Variants in MGA observed in about 807,000 individuals in gnomAD.
MGA encodes the protein MAX dimerization protein MGA, also known as MAX gene-associated protein.
In MGA, 40 loss-of-function variants were observed where a neutral mutation model predicts 261.1. That is an observed-to-expected ratio of 0.15 (90% confidence interval 0.12 to 0.20). The LOEUF (loss-of-function observed/expected upper bound fraction) is 0.20, where lower values mean the gene tolerates loss of function less well. Among genes scored for constraint, MGA ranks in the 10% least tolerant of loss-of-function variants. The probability of loss-of-function intolerance (pLI) is 1.00; values close to 1 mark genes in which losing one functional copy is unlikely to be tolerated. For synonymous variants in MGA, 1,302 were observed against 1,290.6 expected, an observed-to-expected ratio of 1.01 and a Z score of -0.19; for missense variants, 3,397 against 3,630.5, an observed-to-expected ratio of 0.94 and a Z score of 1.65.
At chr15:41,647,379 C>G (rs1316929664) in intron 1 of MGA, among the ~76,000 whole-genome samples, 1 of 152,012 alleles carries the variant, frequency 6.6e-6, no homozygotes, top group Non-Finnish European at 1.5e-5. Flanking sequence ...AGCACTAGAC[C>G]CTGATATTCA....
rs1320919811 is a variant in MGA at position 41,668,874 on chromosome 15, A to G, written c.-21A>G. ...ATGTGGTGATTACAGTTGTCTTACT[A>G]CTGAGTTTCCTACTGAAATCATGGA... On this transcript the variant is annotated 5_prime_UTR_variant, in exon 2 of 24. Coordinates refer to ENST00000219905, the MANE Select transcript of MGA (RefSeq NM_001164273.2). 6.6e-7 allele frequency: 1 copy of G among 1,519,932 alleles called. No homozygotes were observed. Among genetic ancestry groups the G allele is most frequent in the East Asian group, 2.3e-5 (1 of 43,886 alleles). 94.2% of individuals were successfully genotyped at this position (1,519,932 alleles called of 1,614,324 possible). A position where few individuals can be genotyped will look rare whatever the true frequency, so the allele number is the denominator to read the frequency against.
chr15:41,750,276 C>G lies in MGA; in HGVS notation c.6669C>G (p.Asp2223Glu), dbSNP rs755801266. 28 of 1,613,866 alleles carry G rather than the reference C, an allele frequency of 1.7e-5. No individual in the cohort carries two copies. Among genetic ancestry groups the G allele is most frequent in the Non-Finnish European group, 2.3e-5 (27 of 1,179,904 alleles). ...TTCAGCAAGAACAAGGCATCTCTGA[C>G]TTACTTGGAAAAAGTGGAATTACTG... Residue 2223 changes from aspartate to glutamate, a missense_variant, in exon 17 of 24, where the codon GAC becomes GAG. Asp to Glu is a conservative substitution (Grantham distance 45). Coordinates refer to ENST00000219905, the MANE Select transcript of MGA (RefSeq NM_001164273.2).
Position 41,767,110 on chromosome 15 carries a change from G to A in MGA, c.9028G>A (p.Val3010Met), listed in dbSNP as rs762610507. 1 of 1,614,020 alleles carries A rather than the reference G, an allele frequency of 6.2e-7. No individual in the cohort carries two copies. The highest frequency in any genetic ancestry group is 8.5e-7 in the Non-Finnish European group (1 of 1,179,900). ...TGATGCAGATGGTCAGAGTCTCAAG[G>A]TGATGCCTTGTTTGGCACCTATAGC... is the stretch of plus-strand genomic sequence containing the variant. The change falls in exon 24 of 24, where the codon GTG (valine) becomes ATG (methionine). Residue 3010 changes from valine to methionine, a missense_variant. By Grantham distance (21) the Val-to-Met change is conservative. Coordinates refer to ENST00000219905, the MANE Select transcript of MGA (RefSeq NM_001164273.2).
chr15:41,719,898 T>C (rs1422267822), intron 9 of MGA, among the ~76,000 whole-genome samples: 1 of 152,206 alleles, frequency 6.6e-6, no homozygotes, highest in Non-Finnish European at 1.5e-5. Context: ...TAAATGAGAT[T>C]ATGATATTAA....
chr15:41,681,123 AAATACAT>A (rs1166636854), intron 2 of MGA, among the ~76,000 whole-genome samples: 1 of 152,220 alleles, frequency 6.6e-6, no homozygotes, highest in African/African-American at 2.4e-5. Flanking sequence ...ATTATACAGC[AAATACAT>A]AATACATAAT....
chr15:41,671,672 G>A (rs2058067961), intron 2 of MGA, among the ~76,000 whole-genome samples: 1 of 152,102 alleles, frequency 6.6e-6, no homozygotes. Flanking sequence ...TTCAGCAAAA[G>A]TAAAGAAATC....
At chr15:41,741,346 CAAAAAAAA>C (rs11389766) in intron 14 of MGA, among the ~76,000 whole-genome samples, 4 of 72,340 alleles carry the variant, frequency 5.5e-5, no homozygotes, top group East Asian at 3.7e-4. Flanking sequence ...ACTCCATCTC[CAAAAAAAA>C]AAAAAAAAAA....
intron 15 of MGA, among the ~76,000 whole-genome samples, chr15:41,745,278 C>T (rs1198541880): frequency 5.4e-4 from 6 of 11,114 alleles, no homozygotes; most frequent in Admixed American, 1.7e-3. Flanking sequence ...CAAGAATGAT[C>T]AATAAAAAAA....
intron 9 of MGA, among the ~76,000 whole-genome samples, chr15:41,713,965 G>A (rs1169311637): frequency 2.0e-5 from 3 of 152,156 alleles, no homozygotes; most frequent in African/African-American, 4.8e-5. Context: ...ATCATGTACT[G>A]TGTTGAAAAT....
chr15:41,640,541 A>G (rs1319035922), intron 1 of MGA, among the ~76,000 whole-genome samples: 6 of 151,274 alleles, frequency 4.0e-5, no homozygotes, highest in African/African-American at 7.3e-5. Flanking sequence ...TTTTTTTGAG[A>G]TGGAATCTCG....
At chr15:41,707,901 G>C (rs369564900) in intron 6 of MGA, 42 bp downstream of exon 6, 8 of 1,588,140 alleles carry the variant, frequency 5.0e-6, no homozygotes, top group African/African-American at 1.4e-5. Flanking sequence ...TATTTTTCTT[G>C]AAGTTTACGT....
At chr15:41,703,374 C>CCCT (rs1555419101) in intron 5 of MGA, among the ~76,000 whole-genome samples, 1 of 138,540 alleles carries the variant, frequency 7.2e-6, no homozygotes, top group Non-Finnish European at 1.6e-5. Flanking sequence ...AGTTACCCCC[C>CCCT]CCCCCACTCC....
intron 11 of MGA, 107 bp downstream of exon 11, chr15:41,729,456 C>A: frequency 9.6e-7 from 1 of 1,038,796 alleles, no homozygotes; most frequent in Non-Finnish European, 1.4e-6. Flanking sequence ...GCAGAGAAGT[C>A]ATACATGACA....
chr15:41,679,691 TTAAG>T (rs768494105), intron 2 of MGA, among the ~76,000 whole-genome samples: 2 of 152,122 alleles, frequency 1.3e-5, no homozygotes, highest in Non-Finnish European at 1.5e-5. Flanking sequence ...GAATTGTTTA[TTAAG>T]TGAGTGGCTT....
upstream of MGA, among the ~76,000 whole-genome samples, chr15:41,655,688 T>A (rs1280370376): frequency 6.6e-6 from 1 of 152,206 alleles, no homozygotes; most frequent in Non-Finnish European, 1.5e-5. Context: ...AATAAGACTT[T>A]CCTAGAAAAA....
chr15:41,694,144 G>A (rs553637304), intron 2 of MGA, among the ~76,000 whole-genome samples: 1 of 152,138 alleles, frequency 6.6e-6, no homozygotes, highest in African/African-American at 2.4e-5. Flanking sequence ...TGGGCCGGGC[G>A]TGGTGGCTCA....
At chr15:41,748,224 T>A (rs1363022519) in intron 15 of MGA, among the ~76,000 whole-genome samples, 4 of 151,596 alleles carry the variant, frequency 2.6e-5, no homozygotes, top group Non-Finnish European at 1.5e-5. Flanking sequence ...GCTACTGCAC[T>A]GAAGGTGACA....
At chr15:41,660,577 G>A (rs1251239077) in intron 1 of MGA, 52 bp downstream of exon 1, 1 of 152,674 alleles carries the variant, frequency 6.5e-6, no homozygotes, top group Non-Finnish European at 1.5e-5. Flanking sequence ...CCCGATTGGA[G>A]TTTTTCGAGA....
intron 9 of MGA, among the ~76,000 whole-genome samples, chr15:41,723,364 C>T (rs1415052145): frequency 6.6e-6 from 1 of 152,154 alleles, no homozygotes; most frequent in Non-Finnish European, 1.5e-5. Flanking sequence ...TTCAATTCTA[C>T]TAGTCTCTGC....
Sources: gnomAD v4.1 joint callset for allele counts (sites outside exome capture counted in the v4.1 genomes callset) on GRCh38, gnomAD v4.1.1 for gene constraint, MANE v1.5 for transcripts, NCBI Gene and HGNC (gene_info 2026-07-23, HGNC 2026-07-21) for gene names.